Variants in PLXNA4 observed in about 807,000 individuals in gnomAD.
PLXNA4 encodes the protein plexin-A4.
A neutral mutation model predicts 191.8 loss-of-function variants in PLXNA4; 44 were observed. The ratio of observed to expected loss-of-function variants is 0.23; its 90% confidence interval spans 0.18 to 0.29. PLXNA4 has a LOEUF of 0.29. Among genes scored for constraint, PLXNA4 ranks in the 10% least tolerant of loss-of-function variants. The probability of loss-of-function intolerance (pLI) is 1.00; values close to 1 mark genes in which losing one functional copy is unlikely to be tolerated. For missense variants in PLXNA4, 1,800 were observed against 2,488.8 expected, an observed-to-expected ratio of 0.72 and a Z score of 5.89; for synonymous variants, 1,082 against 1,009.5, an observed-to-expected ratio of 1.07 and a Z score of -1.36.
chr7:132,306,080 G>A (rs1440563651), intron 3 of PLXNA4, among the ~76,000 whole-genome samples: 5 of 152,148 alleles, frequency 3.3e-5, no homozygotes, highest in South Asian at 2.1e-4. Flanking sequence ...ACAGAGGCAC[G>A]TGGCAAACCA....
Position 132,508,616 on chromosome 7 carries a change from G to A in PLXNA4, c.78C>T (p.Leu26=), listed in dbSNP as rs748670395. The change falls in exon 2 of 32, where the codon CTC becomes CTT. Residue 26 remains leucine (L), a synonymous_variant. Coordinates refer to ENST00000321063, the MANE Select transcript of PLXNA4 (RefSeq NM_020911.2). This position sits in a 1 kb window ranked among gnomAD's most constrained non-coding sequence, Gnocchi z 4.4. ...LMVGMGSSTL[L]TRQPAPLSQK... ...GGGACAGCGGGGCTGGCTGCCGGGT[G>A]AGCAAAGTGGAGGAGCCCATGCCCA... is the stretch of plus-strand genomic sequence containing the variant. 9.9e-6 allele frequency: 16 copies of A among 1,610,016 alleles called. No individual in the cohort carries two copies. The Middle Eastern group carries it at 6.6e-4, about 66-fold the overall frequency.
At chr7:132,273,289 C>G (rs556480002) in intron 4 of PLXNA4, among the ~76,000 whole-genome samples, 21 of 152,128 alleles carry the variant, frequency 1.4e-4, no homozygotes, top group African/African-American at 5.1e-4. Context: ...TTGTTTGGAA[C>G]TGAAACCCTT....
intron 4 of PLXNA4, among the ~76,000 whole-genome samples, chr7:132,290,594 AC>A (rs1488381161): frequency 6.6e-6 from 1 of 152,214 alleles, no homozygotes; most frequent in Non-Finnish European, 1.5e-5. Flanking sequence ...ATACATGCAT[AC>A]ACATACAAAG....
At position 132,469,914 on chromosome 7, in the gene PLXNA4, G is replaced by A. The variant is rs116458600; in HGVS notation, c.1371+19378C>T. Among the ~76,000 whole-genome samples, 215 of 152,290 alleles carry A rather than the reference G, an allele frequency of 1.4e-3. 1 individual carries two copies. Among genetic ancestry groups the A allele is most frequent in the African/African-American group, 4.9e-3 (204 of 41,550 alleles). On this transcript the variant is annotated intron_variant, in intron 3 of 31. Transcript: ENST00000321063. ...CCTTGATCAGTAAACAACCAAGGTC[G>A]GTGGTGACTCCCCTTTGGGAGAGAG...
In PLXNA4 at chr7:132,326,532, C is replaced by T. The variant is rs184959261; in HGVS notation, c.1372-28310G>A. 1.3e-3 allele frequency among the ~76,000 whole-genome samples: 201 copies of T among 152,152 alleles called. 1 individual carries two copies. Among genetic ancestry groups the T allele is most frequent in the African/African-American group, 4.7e-3 (197 of 41,508 alleles). ...GCTCATTTCCCGTCCTTCCCCTTGC[C>T]TTCCCACTGTGCCTCCTCTGCCAGC... On this transcript the variant is annotated intron_variant, in intron 3 of 31. Coordinates refer to ENST00000321063, the MANE Select transcript of PLXNA4 (RefSeq NM_020911.2).
At chr7:132,560,582 G>T (rs1471435171) in intron 1 of PLXNA4, among the ~76,000 whole-genome samples, 1 of 152,030 alleles carries the variant, frequency 6.6e-6, no homozygotes, top group East Asian at 1.9e-4. Context: ...AAGCTGCCGG[G>T]GACACAAGAG....
intron 17 of PLXNA4, 96 bp from the exon 18 acceptor site, chr7:132,181,716 G>A: frequency 6.6e-7 from 1 of 1,515,420 alleles, no homozygotes; most frequent in Non-Finnish European, 8.8e-7. Context: ...CATCGGGATA[G>A]CAAGGGGTTG....
chr7:132,187,912 C>T (rs760838568), intron 14 of PLXNA4, among the ~76,000 whole-genome samples: 20 of 151,678 alleles, frequency 1.3e-4, no homozygotes, highest in Non-Finnish European at 2.6e-4. Context: ...TATACACATA[C>T]ATATATATAA....
intron 3 of PLXNA4, among the ~76,000 whole-genome samples, chr7:132,353,565 ATC>A (rs932149755): frequency 6.6e-6 from 1 of 152,106 alleles, no homozygotes; most frequent in African/African-American, 2.4e-5. Context: ...ACCTTGAAAT[ATC>A]TGTTTGGCAA....
intron 4 of PLXNA4, among the ~76,000 whole-genome samples, chr7:132,246,608 C>A (rs1421762720): frequency 6.6e-6 from 1 of 152,138 alleles, no homozygotes; most frequent in Non-Finnish European, 1.5e-5. Context: ...ACTCATGTGC[C>A]CTTCCCCATT....
intron 3 of PLXNA4, among the ~76,000 whole-genome samples, chr7:132,463,236 G>C (rs1414810133): frequency 6.6e-6 from 1 of 152,186 alleles, no homozygotes; most frequent in Non-Finnish European, 1.5e-5. Context: ...CTTCCCAGGG[G>C]AGGAGGAAGG....
At chr7:132,514,800 A>G (rs911618454) in intron 1 of PLXNA4, among the ~76,000 whole-genome samples, 8 of 128,038 alleles carry the variant, frequency 6.2e-5, no homozygotes, top group African/African-American at 2.8e-4. Context: ...CTGTGTCTCT[A>G]TGCACACACA....
intron 21 of PLXNA4, among the ~76,000 whole-genome samples, chr7:132,172,041 T>A (rs994643608): frequency 6.6e-6 from 1 of 151,608 alleles, no homozygotes; most frequent in African/African-American, 2.4e-5. Flanking sequence ...GTGTGGGAGG[T>A]AGGAATTTTC....
At chr7:132,627,651 T>G (rs1026254313) in intron 2 of PLXNA4, among the ~76,000 whole-genome samples, 3 of 152,146 alleles carry the variant, frequency 2.0e-5, no homozygotes, top group African/African-American at 7.2e-5. Context: ...TATAAAAGTG[T>G]TCAAGTGAAC....
At chr7:132,621,429 T>C (rs927680676) in intron 2 of PLXNA4, among the ~76,000 whole-genome samples, 1 of 151,920 alleles carries the variant, frequency 6.6e-6, no homozygotes, top group African/African-American at 2.4e-5. Context: ...CCCAGCTAAT[T>C]TTTGTATTTT....
intron 2 of PLXNA4, among the ~76,000 whole-genome samples, chr7:132,490,069 A>G (rs1408673673): frequency 1.3e-5 from 2 of 152,248 alleles, no homozygotes; most frequent in Non-Finnish European, 2.9e-5. Flanking sequence ...AGCTGGGGAA[A>G]GGAGCAATGG....
chr7:132,162,285 C>T (rs760545839), intron 24 of PLXNA4, among the ~76,000 whole-genome samples: 3 of 152,222 alleles, frequency 2.0e-5, no homozygotes, highest in Admixed American at 6.5e-5. Flanking sequence ...GTGGCCGTTT[C>T]TTCTCCAGGC....
At chr7:132,598,107 C>CT (rs199648796) in intron 2 of PLXNA4, among the ~76,000 whole-genome samples, 1,874 of 151,390 alleles carry the variant, frequency 0.012, 24 homozygotes, top group Middle Eastern at 0.041. Flanking sequence ...AATATATATT[C>CT]TTTTTTTTTG....
intron 10 of PLXNA4, among the ~76,000 whole-genome samples, chr7:132,210,009 T>C (rs1029114395): frequency 6.6e-6 from 1 of 152,212 alleles, no homozygotes; most frequent in Non-Finnish European, 1.5e-5. Context: ...AAGTTGTACT[T>C]ATTATATTTT....
Sources: gnomAD v4.1 joint callset for allele counts (sites outside exome capture counted in the v4.1 genomes callset) on GRCh38, gnomAD v4.1.1 for gene constraint, Gnocchi (gnomAD v3.1) non-coding constraint, MANE v1.5 for transcripts, NCBI Gene and HGNC (gene_info 2026-07-23, HGNC 2026-07-21) for gene names.